PCDHA10: variants seen among roughly 807,000 people sequenced by gnomAD.
PCDHA10 encodes protocadherin alpha-10.
In PCDHA10, 45 loss-of-function variants were observed where a neutral mutation model predicts 61.2. That is an observed-to-expected ratio of 0.74 (90% CI 0.58 to 0.94). The LOEUF (loss-of-function observed/expected upper bound fraction) is 0.94, where lower values mean the gene tolerates loss of function less well. PCDHA10 is among the 40% of genes least tolerant of loss of function. The probability of loss-of-function intolerance (pLI) is 0.00; values close to 1 mark genes in which losing one functional copy is unlikely to be tolerated. For synonymous variants in PCDHA10, 602 were observed against 548.8 expected, an observed-to-expected ratio of 1.10 and a Z score of -1.35; for missense variants, 1,278 against 1,236.2, an observed-to-expected ratio of 1.03 and a Z score of -0.51.
chr5:140,858,776 C>T, intron 1 of PCDHA10: 1 of 420,692 alleles, frequency 2.4e-6, no homozygotes, highest in Non-Finnish European at 4.3e-6. Flanking sequence ...GAGATTAGTA[C>T]TTCATGTTAT....
intron 1 of PCDHA10, chr5:140,884,487 T>C (rs374963144): frequency 6.2e-7 from 1 of 1,613,832 alleles, no homozygotes; most frequent in African/African-American, 1.3e-5. Flanking sequence ...CCCACTCTAG[T>C]GTGCTCCAGC....
At chr5:140,897,086 T>G (rs527763854) in intron 1 of PCDHA10, among the ~76,000 whole-genome samples, 379 of 152,296 alleles carry the variant, frequency 2.5e-3, no homozygotes, top group African/African-American at 8.4e-3. Context: ...TTCTATTTTT[T>G]ATCCTCATTA....
At chr5:140,882,907 A>T (rs11744560) in intron 1 of PCDHA10, 226,049 of 1,614,134 alleles carry the variant, frequency 0.14, 16,618 homozygotes, top group Middle Eastern at 0.18. Context: ...TATTACTGAC[A>T]GCCAGTGATG....
chr5:140,883,475 AACT>A, intron 1 of PCDHA10: 1 of 1,614,106 alleles, frequency 6.2e-7, no homozygotes. Context: ...CACCTACAAG[AACT>A]ACTACTCATT....
intron 1 of PCDHA10, among the ~76,000 whole-genome samples, chr5:140,916,135 T>TG (rs1178819787): frequency 6.6e-6 from 1 of 152,126 alleles, no homozygotes; most frequent in Non-Finnish European, 1.5e-5. Flanking sequence ...GCTTAAGGGC[T>TG]GTTCAGTTGT....
In PCDHA10 at chr5:140,857,651, A is replaced by G. The variant is rs781834004; in HGVS notation, c.1603A>G (p.Ser535Gly). ...GCTGGAGCTGCTACAGTTCCAGGTG[A>G]GCGCGCGCGATGGGGGCGTGCCGCC... is the stretch of plus-strand genomic sequence containing the variant. ...EELELLQFQV[S>G]ARDGGVPPLG... Residue 535 changes from serine (S) to glycine (G), a missense_variant, in exon 1 of 4, where the codon AGC (serine) becomes GGC (glycine). Physicochemically the swap from Ser to Gly is moderately conservative, Grantham distance 56. Transcript: ENST00000307360. 6.3e-7 allele frequency: 1 copy of G among 1,596,558 alleles called. No individual in the cohort carries two copies. Among genetic ancestry groups the G allele is most frequent in the South Asian group, 1.1e-5 (1 of 90,486 alleles).
chr5:140,996,232 T>C (rs1054290986), intron 3 of PCDHA10, among the ~76,000 whole-genome samples: 13 of 152,302 alleles, frequency 8.5e-5, no homozygotes, highest in South Asian at 4.1e-4. Flanking sequence ...AAATGGTTGC[T>C]CAAGGCTGAG....
chr5:140,942,145 CAT>C (rs2093239780), intron 1 of PCDHA10, among the ~76,000 whole-genome samples: 1 of 152,176 alleles, frequency 6.6e-6, no homozygotes, highest in African/African-American at 2.4e-5. Context: ...CTTTACTTGA[CAT>C]AAAACAGCTT....
At chr5:140,972,228 C>G (rs1295473743) in intron 1 of PCDHA10, among the ~76,000 whole-genome samples, 1 of 151,964 alleles carries the variant, frequency 6.6e-6, no homozygotes, top group Admixed American at 6.5e-5. Flanking sequence ...CAGCCTCGAC[C>G]TTCTGGGCTC....
chr5:140,870,200 C>A, intron 1 of PCDHA10: 1 of 1,614,174 alleles, frequency 6.2e-7, no homozygotes, highest in South Asian at 1.1e-5. Flanking sequence ...CAGCCCAGCA[C>A]GGTCATTGCC....
In PCDHA10 at chr5:140,857,097, T is replaced by C. The variant is rs782084085; in HGVS notation, c.1049T>C (p.Ile350Thr). 1 of 1,597,284 alleles carries C rather than the reference T, an allele frequency of 6.3e-7. No individual in the cohort carries two copies. Among genetic ancestry groups the C allele is most frequent in the Non-Finnish European group, 8.6e-7 (1 of 1,166,944 alleles). The change falls in exon 1 of 4, where the codon ATT becomes ACT. Residue 350 changes from isoleucine (I) to threonine (T), a missense_variant. By Grantham distance (89) the Ile-to-Thr change is moderately conservative (BLOSUM62 -1). Coordinates refer to ENST00000307360, the MANE Select transcript of PCDHA10 (RefSeq NM_018901.4). ...GAAAATGATAATTCACCTGAGGTGA[T>C]TGTCACTTCTCTGTCTCTCCCAGTG... ...LDENDNSPEVIVTSLSLPVKE... is the reference protein window; with the variant it reads ...LDENDNSPEVTVTSLSLPVKE...
intron 1 of PCDHA10, chr5:140,876,163 A>AC (rs782492210): frequency 6.2e-7 from 1 of 1,613,966 alleles, no homozygotes; most frequent in South Asian, 1.1e-5. Flanking sequence ...GATTCAAATA[A>AC]CCGTCCTGGA....
chr5:140,952,221 C>T (rs991982346), intron 1 of PCDHA10, among the ~76,000 whole-genome samples: 1 of 151,940 alleles, frequency 6.6e-6, no homozygotes, highest in Non-Finnish European at 1.5e-5. Flanking sequence ...TTTCCAGGCA[C>T]AGTGTGCAAG....
rs528939441 is a variant in PCDHA10 at position 140,858,900 on chromosome 5, G to C, written c.2388+464G>C. ...CCTCCATGTGTAGAATATGTGTAGCGTACCACAGCTTATACTGCCATAGTA... is the reference window on the plus strand; with the variant it reads ...CCTCCATGTGTAGAATATGTGTAGCCTACCACAGCTTATACTGCCATAGTA... On this transcript the variant is annotated intron_variant, in intron 1 of 3. Transcript: ENST00000307360. 2 of 203,044 alleles carry C rather than the reference G, an allele frequency of 9.9e-6. 1 individual carries two copies. Among genetic ancestry groups the C allele is most frequent in the African/African-American group, 4.8e-5 (2 of 41,680 alleles). 12.6% of individuals were successfully genotyped at this position (203,044 alleles called of 1,614,324 possible). A position where few individuals can be genotyped will look rare whatever the true frequency, so the allele number is the denominator to read the frequency against.
chr5:140,869,344 A>C (rs540952410), intron 1 of PCDHA10: 1 of 1,613,872 alleles, frequency 6.2e-7, no homozygotes, highest in Non-Finnish European at 8.5e-7. Flanking sequence ...AAATCTGCAG[A>C]ATGGCATTTT....
At chr5:140,969,388 A>C in intron 1 of PCDHA10, 2 of 1,595,066 alleles carry the variant, frequency 1.3e-6, no homozygotes, top group Non-Finnish European at 1.7e-6. Context: ...CACATCCCCC[A>C]ATATCCTGTG....
At position 140,969,194 on chromosome 5, in the gene PCDHA10, A is replaced by G. The variant is rs782262250; in HGVS notation, c.2389-9755A>G. On this transcript the variant is annotated intron_variant, in intron 1 of 3. Coordinates refer to ENST00000307360, the MANE Select transcript of PCDHA10 (RefSeq NM_018901.4). ...AGGGAGTGACACTTTCATGTTTTAC[A>G]ATACAGGGGCCCAGACAGGACCAGG... 1.8e-5 allele frequency: 29 copies of G among 1,614,026 alleles called. No homozygotes were observed. The highest frequency in any genetic ancestry group is 2.3e-5 in the Non-Finnish European group (27 of 1,180,018).
At chr5:140,931,471 G>GA (rs1215090719) in intron 1 of PCDHA10, among the ~76,000 whole-genome samples, 9 of 151,796 alleles carry the variant, frequency 5.9e-5, no homozygotes, top group Non-Finnish European at 1.0e-4. Context: ...AATGACAGAG[G>GA]AAAAAACAAC....
At chr5:140,978,672 G>C (rs2096816199) in intron 1 of PCDHA10, among the ~76,000 whole-genome samples, 1 of 152,256 alleles carries the variant, frequency 6.6e-6, no homozygotes, top group African/African-American at 2.4e-5. Context: ...TAAGAACACA[G>C]ACATGTATTG....
Sources: gnomAD v4.1 joint callset for allele counts (sites outside exome capture counted in the v4.1 genomes callset) on GRCh38, gnomAD v4.1.1 for gene constraint, MANE v1.5 for transcripts, NCBI Gene and HGNC (gene_info 2026-07-23, HGNC 2026-07-21) for gene names.